Variants in MCOLN3 observed in about 807,000 individuals in gnomAD.
The protein encoded by MCOLN3 is mucolipin TRP cation channel 3.
In MCOLN3, 62 loss-of-function variants were observed where a neutral mutation model predicts 69.4. The observed-to-expected ratio is 0.89, with a 90% CI of 0.73 to 1.10. The LOEUF (loss-of-function observed/expected upper bound fraction) is 1.10, where lower values mean the gene tolerates loss of function less well. Ranked by LOEUF, MCOLN3 falls within the 50% of genes least tolerant of loss-of-function variation. The pLI is 0.00. For synonymous variants in MCOLN3, 183 were observed against 217.0 expected (o/e 0.84, Z 1.38); for missense variants, 564 against 656.4 (o/e 0.86, Z 1.54).
intron 9 of MCOLN3, 121 bp from the exon 10 acceptor site, chr1:85,022,521 A>G (rs1439821801): frequency 3.1e-6 from 2 of 635,098 alleles, no homozygotes; most frequent in African/African-American, 1.9e-5. Flanking sequence ...GTGAACAAAC[A>G]AAAGTCTCTG....
intron 1 of MCOLN3, among the ~76,000 whole-genome samples, 177 bp from the exon 2 acceptor site, chr1:85,045,539 G>A (rs531866914): frequency 2.6e-5 from 4 of 152,286 alleles, no homozygotes; most frequent in South Asian, 4.1e-4. Context: ...AATGTAGGAC[G>A]TCACTTTTTT....
Position 85,025,930 on chromosome 1 carries a change from A to G in MCOLN3, c.1095+9T>C, listed in dbSNP as rs1652191511. Reference sequence around the variant, plus strand: ...ACACTAACAATAGCATGATTAGGAAAAAAATTACCTTAGCTTGGATTTCCA... The same window carrying G: ...ACACTAACAATAGCATGATTAGGAAGAAAATTACCTTAGCTTGGATTTCCA... On this transcript the variant is annotated intron_variant, in intron 9 of 12. Coordinates refer to ENST00000370589, the MANE Select transcript of MCOLN3 (RefSeq NM_018298.11). 6.3e-7 allele frequency: 1 copy of G among 1,587,570 alleles called. No homozygotes were observed. The highest frequency in any genetic ancestry group is 8.6e-7 in the Non-Finnish European group (1 of 1,167,544).
intron 3 of MCOLN3, among the ~76,000 whole-genome samples, chr1:85,038,497 AG>A: frequency 6.6e-6 from 1 of 152,326 alleles, no homozygotes; most frequent in South Asian, 2.1e-4. Context: ...GTATTGGATC[AG>A]AATGAGCCCT....
chr1:85,025,719 C>T (rs1248447289), intron 9 of MCOLN3: 1 of 502,538 alleles, frequency 2.0e-6, no homozygotes, highest in African/African-American at 1.9e-5. Context: ...ACCAGGCACC[C>T]AATGATTCTG....
chr1:85,035,865 C>T (rs538280819), intron 3 of MCOLN3, among the ~76,000 whole-genome samples: 5 of 152,292 alleles, frequency 3.3e-5, no homozygotes, highest in African/African-American at 1.2e-4. Context: ...ATCCAAAATA[C>T]ACCTGCTCAA....
At chr1:85,028,536 C>T (rs1459820455) in intron 7 of MCOLN3, among the ~76,000 whole-genome samples, 1 of 152,318 alleles carries the variant, frequency 6.6e-6, no homozygotes, top group East Asian at 1.9e-4. Flanking sequence ...CAATTCTCTC[C>T]AGTTCAGCTC....
intron 9 of MCOLN3, among the ~76,000 whole-genome samples, chr1:85,023,765 C>T (rs1652077174): frequency 6.6e-6 from 1 of 152,118 alleles, no homozygotes; most frequent in African/African-American, 2.4e-5. Flanking sequence ...GATGTCCAAG[C>T]ACTATGCCTT....
At chr1:85,030,216 T>G (rs1652441298) in intron 6 of MCOLN3, among the ~76,000 whole-genome samples, 1 of 152,232 alleles carries the variant, frequency 6.6e-6, no homozygotes, top group Non-Finnish European at 1.5e-5. Flanking sequence ...GGAGAAGCCA[T>G]GCTTTTCCTA....
chr1:85,028,398 A>G (rs1300327246), intron 7 of MCOLN3, among the ~76,000 whole-genome samples: 1 of 152,208 alleles, frequency 6.6e-6, no homozygotes, highest in Non-Finnish European at 1.5e-5. Flanking sequence ...GCATCATAGC[A>G]GGTACCCAGG....
intron 3 of MCOLN3, among the ~76,000 whole-genome samples, chr1:85,034,989 G>A (rs1652735921): frequency 6.6e-6 from 1 of 152,176 alleles, no homozygotes; most frequent in Admixed American, 6.5e-5. Context: ...AGATATGAGT[G>A]AAGCATGCTA....
chr1:85,024,815 A>G (rs1652132510), intron 9 of MCOLN3: 1 of 152,098 alleles, frequency 6.6e-6, no homozygotes, highest in Non-Finnish European at 1.5e-5. Context: ...CCCTAAAGTT[A>G]AACATCTATT....
chr1:85,038,353 G>A (rs1422499582), intron 3 of MCOLN3, among the ~76,000 whole-genome samples: 1 of 152,162 alleles, frequency 6.6e-6, no homozygotes, highest in African/African-American at 2.4e-5. Flanking sequence ...GAAAGAAAAG[G>A]AGCCAATAAA....
chr1:85,036,121 CTTGACT>C (rs1652789263), intron 3 of MCOLN3, among the ~76,000 whole-genome samples: 1 of 152,188 alleles, frequency 6.6e-6, no homozygotes, highest in Admixed American at 6.5e-5. Flanking sequence ...ATATGACCTC[CTTGACT>C]TTATTTGTTC....
At chr1:85,040,713 C>T (rs144544766) in intron 3 of MCOLN3, among the ~76,000 whole-genome samples, 5 of 152,218 alleles carry the variant, frequency 3.3e-5, no homozygotes, top group Admixed American at 3.3e-4. Context: ...TACCCAGGGT[C>T]ATAGTTAGTA....
In MCOLN3 at chr1:85,020,981, A is replaced by G. The variant is rs183386124; in HGVS notation, c.1527+89T>C. On this transcript the variant is annotated intron_variant, in intron 12 of 12. Transcript: ENST00000370589. Reference sequence around the variant, plus strand: ...TCCTGAAGAAATTAACATTCCATCAACTTTTCTTCTACCATTAGGTACTGA... The same window carrying G: ...TCCTGAAGAAATTAACATTCCATCAGCTTTTCTTCTACCATTAGGTACTGA... The G allele has an allele frequency of 6.8e-5, 62 of 914,490 alleles. No individual in the cohort carries two copies. The African/African-American group carries it at 1.0e-3, about 15-fold the overall frequency. The allele number at this position is 914,490 out of a possible 1,614,324, so 56.6% of individuals were successfully genotyped here. A position where few individuals can be genotyped will look rare whatever the true frequency, so the allele number is the denominator to read the frequency against.
At chr1:85,035,575 T>C (rs1652762583) in intron 3 of MCOLN3, among the ~76,000 whole-genome samples, 1 of 152,226 alleles carries the variant, frequency 6.6e-6, no homozygotes, top group South Asian at 2.1e-4. Flanking sequence ...ATTCCTCTTA[T>C]ACTCCACTTC....
chr1:85,026,053 C>G lies in MCOLN3; in HGVS notation c.981G>C (p.Lys327Asn). 6.2e-7 allele frequency: 1 copy of G among 1,601,708 alleles called. No homozygotes were observed. Among genetic ancestry groups the G allele is most frequent in the Non-Finnish European group, 8.5e-7 (1 of 1,174,028 alleles). Residue 327 changes from lysine to asparagine, a missense_variant, in exon 9 of 13, where the codon AAG (lysine) becomes AAC (asparagine). Transcript: ENST00000370589. ...CCATTTGATCAGAAACAGAAACTTCCTTCTTATAATGGAGGAGGAAAAAAT... is the reference window on the plus strand; with the variant it reads ...CCATTTGATCAGAAACAGAAACTTCGTTCTTATAATGGAGGAGGAAAAAAT... ...FVNFFLLHYKKEVSVSDQMEF... is the reference protein window; with the variant it reads ...FVNFFLLHYKNEVSVSDQMEF...
intron 3 of MCOLN3, among the ~76,000 whole-genome samples, chr1:85,038,515 T>G (rs192009332): frequency 3.4e-4 from 52 of 152,308 alleles, no homozygotes; most frequent in African/African-American, 1.2e-3. Flanking sequence ...CCCTGGAGAT[T>G]ATCCAGTAGG....
At position 85,045,242 on chromosome 1, in the gene MCOLN3, C is replaced by T. The variant is rs769599628; in HGVS notation, c.119G>A (p.Arg40Gln). Residue 40 changes from arginine (R) to glutamine (Q), a missense_variant, in exon 2 of 13, where the codon CGA (arginine) becomes CAA (glutamine). Transcript: ENST00000370589. The stretch of plus-strand genomic sequence containing the variant: ...ATTCATGAAAAAAAATTTGAGTTTT[C>T]GCCTCATCTGGTCTTCTAATAGAAG... ...EELLLEDQMR[R>Q]KLKFFFMNPC... The T allele has an allele frequency of 1.9e-5, 30 of 1,613,934 alleles. No individual in the cohort carries two copies. The highest frequency in any genetic ancestry group is 4.0e-5 in the African/African-American group (3 of 74,900).
Sources: allele counts gnomAD v4.1 joint callset (sites outside exome capture counted in the v4.1 genomes callset), GRCh38; gene constraint gnomAD v4.1.1; transcripts MANE v1.5; gene names NCBI Gene and HGNC (gene_info 2026-07-23, HGNC 2026-07-21).